ROCK2: variants seen among roughly 807,000 people sequenced by gnomAD.
The protein encoded by ROCK2 is Rho associated coiled-coil containing protein kinase 2.
ROCK2 carries 61 observed loss-of-function variants against 195.1 expected under a neutral mutation model. That is an observed-to-expected ratio of 0.31 (90% CI 0.25 to 0.39). The LOEUF (loss-of-function observed/expected upper bound fraction) is 0.39. ROCK2 is among the 10% of genes least tolerant of loss of function. ROCK2 has a pLI of 1.00. For synonymous variants in ROCK2, 504 were observed against 545.5 expected (o/e 0.92, Z 1.06); for missense variants, 1,109 against 1,637.4 (o/e 0.68, Z 5.57).
At chr2:11,266,520 T>C (rs750874874) in intron 3 of ROCK2, among the ~76,000 whole-genome samples, 5 of 152,208 alleles carry the variant, frequency 3.3e-5, no homozygotes, top group South Asian at 2.1e-4. Flanking sequence ...TCTGTAGAAA[T>C]TGGCAGATCC....
At chr2:11,206,019 G>T (rs1276363159) in intron 20 of ROCK2, among the ~76,000 whole-genome samples, 1 of 151,330 alleles carries the variant, frequency 6.6e-6, no homozygotes, top group African/African-American at 2.4e-5. Flanking sequence ...TGAGGCAGGA[G>T]AATTTCTTGA....
rs1353569933 is a variant in ROCK2 at position 11,318,633 on chromosome 2, T to C, written c.141+25363A>G. ...AGATCCCATGTGTCAATTCTGGCTT[T>C]TGTTGCCATTCCTTTTGGTGTTTTA... On this transcript the variant is annotated intron_variant, in intron 1 of 32. Transcript: ENST00000315872. Among the ~76,000 whole-genome samples, 5 of 152,340 alleles carry C rather than the reference T, an allele frequency of 3.3e-5. No homozygotes were observed. In the East Asian group the frequency reaches 7.7e-4, roughly 23 times the overall value.
intron 3 of ROCK2, among the ~76,000 whole-genome samples, chr2:11,284,147 A>G (rs1667108833): frequency 6.6e-6 from 1 of 152,218 alleles, no homozygotes; most frequent in Admixed American, 6.5e-5. Context: ...AAAGATGACA[A>G]TCTGAAAAGG....
intron 1 of ROCK2, among the ~76,000 whole-genome samples, chr2:11,328,607 ACT>A (rs987152706): frequency 6.6e-6 from 1 of 151,952 alleles, no homozygotes; most frequent in African/African-American, 2.4e-5. Flanking sequence ...CCACTATACT[ACT>A]CTCTCTTTTA....
chr2:11,309,765 A>G lies in ROCK2; in HGVS notation c.142-22029T>C, dbSNP rs569745224. On this transcript the variant is annotated intron_variant, in intron 1 of 32. Transcript: ENST00000315872. ...GAAGCTAAGGCAGGAAGACCACTTGAGCTCAGGAGTTTGAGACCAGTCTGG... is the reference window on the plus strand; with the variant it reads ...GAAGCTAAGGCAGGAAGACCACTTGGGCTCAGGAGTTTGAGACCAGTCTGG... 9.8e-5 allele frequency among the ~76,000 whole-genome samples: 15 copies of G among 152,290 alleles called. No individual in the cohort carries two copies. The East Asian group carries it at 2.9e-3, about 29-fold the overall frequency.
At chr2:11,258,213 A>G (rs769807995) in intron 3 of ROCK2, among the ~76,000 whole-genome samples, 8 of 151,462 alleles carry the variant, frequency 5.3e-5, no homozygotes, top group Non-Finnish European at 8.8e-5. Flanking sequence ...TATAATGACG[A>G]CATGGTGAAT....
intron 9 of ROCK2, among the ~76,000 whole-genome samples, chr2:11,219,749 T>C (rs77807950): frequency 6.6e-6 from 1 of 152,198 alleles, no homozygotes; most frequent in East Asian, 1.9e-4. Context: ...ATATCTTTAA[T>C]GCCTCATTCA....
intron 3 of ROCK2, among the ~76,000 whole-genome samples, chr2:11,269,410 G>A (rs1041998836): frequency 3.9e-5 from 6 of 151,910 alleles, no homozygotes; most frequent in African/African-American, 1.5e-4. Flanking sequence ...TACTCAGGAG[G>A]CTGAGGCACG....
At chr2:11,229,123 T>C (rs1368138188) in intron 5 of ROCK2, among the ~76,000 whole-genome samples, 1 of 152,112 alleles carries the variant, frequency 6.6e-6, no homozygotes, top group Non-Finnish European at 1.5e-5. Context: ...TTTTTATTGG[T>C]TATAAACTAT....
At chr2:11,321,201 A>T (rs764156993) in intron 1 of ROCK2, among the ~76,000 whole-genome samples, 3 of 152,068 alleles carry the variant, frequency 2.0e-5, no homozygotes, top group Non-Finnish European at 4.4e-5. Flanking sequence ...TTTGAAACAG[A>T]GTCTCACTCT....
At chr2:11,301,326 A>G (rs1667697364) in intron 1 of ROCK2, among the ~76,000 whole-genome samples, 1 of 152,144 alleles carries the variant, frequency 6.6e-6, no homozygotes, top group South Asian at 2.1e-4. Context: ...GAGGTCATAA[A>G]TTCCTTAAAG....
At chr2:11,262,642 T>C (rs531439876) in intron 3 of ROCK2, among the ~76,000 whole-genome samples, 17 of 152,310 alleles carry the variant, frequency 1.1e-4, no homozygotes, top group South Asian at 2.1e-4. Flanking sequence ...CCATGTAAGA[T>C]GTGACTTGCT....
intron 1 of ROCK2, among the ~76,000 whole-genome samples, chr2:11,330,734 TGAGGAGG>T (rs150856635): frequency 0.14 from 2,542 of 17,748 alleles, 198 homozygotes; most frequent in East Asian, 0.31. Context: ...GGAGGGAAGA[TGAGGAGG>T]GAGGAGGGAG....
intron 1 of ROCK2, among the ~76,000 whole-genome samples, chr2:11,300,543 C>T (rs561657898): frequency 6.6e-6 from 1 of 152,318 alleles, no homozygotes; most frequent in African/African-American, 2.4e-5. Context: ...GGATTACAGG[C>T]ATGAGCCACC....
chr2:11,315,445 T>A (rs531065509), intron 1 of ROCK2, among the ~76,000 whole-genome samples: 31 of 151,992 alleles, frequency 2.0e-4, no homozygotes, highest in Non-Finnish European at 4.0e-4. Context: ...AAAATTTTTT[T>A]AATTAAATTA....
intron 1 of ROCK2, among the ~76,000 whole-genome samples, chr2:11,306,363 A>T (rs1246660068): frequency 1.3e-5 from 2 of 152,194 alleles, no homozygotes; most frequent in African/African-American, 4.8e-5. Context: ...AACTTATTAT[A>T]ATATGTAAAC....
intron 8 of ROCK2, 107 bp downstream of exon 8, chr2:11,221,976 T>G: frequency 4.8e-6 from 3 of 628,082 alleles, no homozygotes; most frequent in Non-Finnish European, 8.5e-6. Flanking sequence ...AATTTAAAAA[T>G]GAGTTAGCAT....
chr2:11,215,585 G>C lies in ROCK2; in HGVS notation c.1522C>G (p.Leu508Val). The C allele has an allele frequency of 6.2e-7, 1 of 1,613,534 alleles. No homozygotes were observed. Among genetic ancestry groups the C allele is most frequent in the Non-Finnish European group, 8.5e-7 (1 of 1,179,760 alleles). The change falls in exon 14 of 33, where the codon CTT (leucine) becomes GTT (valine). Residue 508 changes from leucine to valine, a missense_variant. Leu to Val is a conservative substitution (Grantham distance 32). Around this residue, in one of 6 missense-constraint regions of ROCK2, gnomAD observed 542 missense variants for 672.0 expected, o/e 0.81. Transcript: ENST00000315872. Reference protein sequence around the residue: ...LRQLEREKALLQHKNAEYQRK... With the variant: ...LRQLEREKALVQHKNAEYQRK... Reference sequence around the variant, plus strand: ...TGATATTCTGCATTTTTGTGCTGAAGAAGCGCCTTTTCTCTTTCTAACTGT... The same window carrying C: ...TGATATTCTGCATTTTTGTGCTGAACAAGCGCCTTTTCTCTTTCTAACTGT...
chr2:11,332,313 G>A (rs773352110), intron 1 of ROCK2, among the ~76,000 whole-genome samples: 1 of 152,104 alleles, frequency 6.6e-6, no homozygotes, highest in Non-Finnish European at 1.5e-5. Flanking sequence ...TCCACATTCA[G>A]AGGGCACTGA....
Sources: allele counts gnomAD v4.1 joint callset (sites outside exome capture counted in the v4.1 genomes callset), GRCh38; gene constraint gnomAD v4.1.1; regional missense constraint gnomAD v4.1.1; transcripts MANE v1.5; gene names NCBI Gene and HGNC (gene_info 2026-07-23, HGNC 2026-07-21).